FBXL20: variants seen among roughly 807,000 people sequenced by gnomAD.
FBXL20 encodes F-box/LRR-repeat protein 20.
Under a neutral mutation model 64.0 loss-of-function variants are expected in FBXL20, and 11 were observed. That is an observed-to-expected ratio of 0.17 (90% CI 0.11 to 0.28). FBXL20 has a LOEUF of 0.28. Among genes scored for constraint, FBXL20 ranks in the 10% least tolerant of loss-of-function variants. The probability of loss-of-function intolerance (pLI) is 1.00; values close to 1 mark genes in which losing one functional copy is unlikely to be tolerated. For synonymous variants in FBXL20, 184 were observed against 189.0 expected (o/e 0.97, Z 0.22); for missense variants, 303 against 526.2 (o/e 0.58, Z 4.15).
intron 2 of FBXL20, among the ~76,000 whole-genome samples, chr17:39,305,723 C>A (rs901129250): frequency 6.6e-6 from 1 of 151,952 alleles, no homozygotes. Flanking sequence ...CAGTGGCTCA[C>A]GACTGTAATC....
In FBXL20 at chr17:39,283,237, T is replaced by C. The variant is rs183791095; in HGVS notation, c.495-382A>G. On this transcript the variant is annotated intron_variant, in intron 7 of 14. Transcript: ENST00000264658. Reference sequence around the variant, plus strand: ...AACGAGATTCTCCATCGAGCAATGCTATTACTGGTTGAGTATCCCTTATCT... The same window carrying C: ...AACGAGATTCTCCATCGAGCAATGCCATTACTGGTTGAGTATCCCTTATCT... Among the ~76,000 whole-genome samples the C allele has an allele frequency of 9.8e-5, 15 of 152,310 alleles. No homozygotes were observed. In the East Asian group the frequency reaches 2.9e-3, roughly 29 times the overall value.
intron 9 of FBXL20, among the ~76,000 whole-genome samples, chr17:39,280,713 C>T (rs634365): frequency 0.62 from 94,092 of 152,020 alleles, 32,285 homozygotes; most frequent in South Asian, 0.89. Context: ...CAAGACAAAA[C>T]GCTAAATATA....
At chr17:39,315,351 AC>A (rs2047275706) in intron 2 of FBXL20, among the ~76,000 whole-genome samples, 1 of 150,120 alleles carries the variant, frequency 6.7e-6, no homozygotes, top group Non-Finnish European at 1.5e-5. Flanking sequence ...TTCACAAACT[AC>A]CTCAGGAGGG....
At chr17:39,338,282 G>A (rs2047548496) in intron 2 of FBXL20, among the ~76,000 whole-genome samples, 1 of 152,202 alleles carries the variant, frequency 6.6e-6, no homozygotes, top group South Asian at 2.1e-4. Context: ...TCCACTCAGG[G>A]TTAAATGGAT....
intron 2 of FBXL20, among the ~76,000 whole-genome samples, chr17:39,316,945 C>A (rs867299943): frequency 6.6e-6 from 1 of 152,182 alleles, no homozygotes; most frequent in South Asian, 2.1e-4. Context: ...GCGGAGATTG[C>A]GCCACTGTGC....
At position 39,281,468 on chromosome 17, in the gene FBXL20, A is replaced by G. The variant is rs766372294; in HGVS notation, c.622-5T>C. On this transcript the variant is annotated splice_polypyrimidine_tract_variant and splice_region_variant and intron_variant, in intron 8 of 14. Coordinates refer to ENST00000264658, the MANE Select transcript of FBXL20 (RefSeq NM_032875.3). Reference sequence around the variant, plus strand: ...CTTGAGAGCTTCATCTTCTAGCTAGAAAGATTAAAAAGTAAGAAAAAAATG... The same window carrying G: ...CTTGAGAGCTTCATCTTCTAGCTAGGAAGATTAAAAAGTAAGAAAAAAATG... 19 of 1,609,440 alleles carry G rather than the reference A, an allele frequency of 1.2e-5. No homozygotes were observed. Among genetic ancestry groups the G allele is most frequent in the South Asian group, 2.2e-5 (2 of 90,430 alleles).
At chr17:39,292,322 T>C (rs961770456) in intron 6 of FBXL20, among the ~76,000 whole-genome samples, 3 of 150,358 alleles carry the variant, frequency 2.0e-5, no homozygotes, top group African/African-American at 7.5e-5. Flanking sequence ...CCCATTCTTT[T>C]AGTTTCATTT....
intron 1 of FBXL20, among the ~76,000 whole-genome samples, chr17:39,358,202 C>T (rs546855833): frequency 6.6e-6 from 1 of 152,268 alleles, no homozygotes; most frequent in South Asian, 2.1e-4. Context: ...AGTATTCTCC[C>T]TTCCTCCACC....
intron 1 of FBXL20, among the ~76,000 whole-genome samples, chr17:39,372,709 A>G (rs2047930483): frequency 6.8e-6 from 1 of 146,762 alleles, no homozygotes; most frequent in South Asian, 2.2e-4. Context: ...TCCACCTCCC[A>G]GGTTTGAGCA....
At chr17:39,286,162 A>G (rs1375554427) in intron 6 of FBXL20, among the ~76,000 whole-genome samples, 2 of 152,228 alleles carry the variant, frequency 1.3e-5, no homozygotes, top group African/African-American at 4.8e-5. Flanking sequence ...AATATAAACA[A>G]GAGTAAATAA....
chr17:39,346,327 T>A (rs902023782), intron 1 of FBXL20, among the ~76,000 whole-genome samples: 17 of 151,206 alleles, frequency 1.1e-4, no homozygotes, highest in Admixed American at 3.3e-4. Context: ...GGCGACAGAG[T>A]GAGATCCTGT....
intron 1 of FBXL20, among the ~76,000 whole-genome samples, chr17:39,361,888 C>T (rs11869259): frequency 4.0e-5 from 6 of 151,360 alleles, no homozygotes; most frequent in East Asian, 2.0e-4. Flanking sequence ...GCCCGAGCCC[C>T]GGAGTTCAAG....
intron 1 of FBXL20, among the ~76,000 whole-genome samples, chr17:39,348,829 G>A (rs181360103): frequency 8.9e-4 from 135 of 152,200 alleles, no homozygotes; most frequent in African/African-American, 3.0e-3. Context: ...TGAGTAGCTA[G>A]GACTACAGAA....
rs1266316778 is a variant in FBXL20 at position 39,258,792 on chromosome 17, A to G, written c.*2668T>C. 6.6e-6 allele frequency: 1 copy of G among 152,212 alleles called. No homozygotes were observed. The highest frequency in any genetic ancestry group is 1.5e-5 in the Non-Finnish European group (1 of 68,038). 9.4% of individuals were successfully genotyped at this position (152,212 alleles called of 1,614,324 possible). A position where few individuals can be genotyped will look rare whatever the true frequency, so the allele number is the denominator to read the frequency against. On this transcript the variant is annotated 3_prime_UTR_variant, in exon 15 of 15. Transcript: ENST00000264658. ...AAACTTTAAAGCAGATGGCCCCTAA[A>G]TAGTTCTCTCCTTTAGTTTTGTTTG...
intron 1 of FBXL20, among the ~76,000 whole-genome samples, chr17:39,362,533 G>A (rs1029446978): frequency 5.9e-5 from 9 of 151,646 alleles, no homozygotes; most frequent in African/African-American, 2.2e-4. Flanking sequence ...ATGTTGGTCA[G>A]GCTGGTCTCG....
chr17:39,275,325 G>A lies in FBXL20; in HGVS notation c.697-225C>T, dbSNP rs571740226. On this transcript the variant is annotated intron_variant, in intron 9 of 14. Coordinates refer to ENST00000264658, the MANE Select transcript of FBXL20 (RefSeq NM_032875.3). ...AGGGAAGAAGCTATAATAGAATCCT[G>A]TTGAAAGCTACAATGGAATTCTAAT... Among the ~76,000 whole-genome samples, 9 of 152,220 alleles carry A rather than the reference G, an allele frequency of 5.9e-5. No individual in the cohort carries two copies. The East Asian group carries it at 1.4e-3, about 23-fold the overall frequency.
At chr17:39,299,797 A>G (rs2047118751) in intron 4 of FBXL20, among the ~76,000 whole-genome samples, 2 of 147,012 alleles carry the variant, frequency 1.4e-5, no homozygotes, top group Admixed American at 1.4e-4. Flanking sequence ...CAACAACAAC[A>G]ACAACAAAAA....
chr17:39,288,778 G>A (rs1374901444), intron 6 of FBXL20, among the ~76,000 whole-genome samples: 7 of 151,250 alleles, frequency 4.6e-5, no homozygotes, highest in East Asian at 3.9e-4. Flanking sequence ...GCGCGATCTC[G>A]GATCACTGCA....
intron 6 of FBXL20, among the ~76,000 whole-genome samples, chr17:39,289,838 T>C (rs1047720138): frequency 2.6e-5 from 4 of 151,362 alleles, no homozygotes; most frequent in African/African-American, 9.7e-5. Context: ...CTACTAAAAA[T>C]ACAAACAAAA....
Sources: gnomAD v4.1 joint callset for allele counts (sites outside exome capture counted in the v4.1 genomes callset) on GRCh38, gnomAD v4.1.1 for gene constraint, MANE v1.5 for transcripts, NCBI Gene and HGNC (gene_info 2026-07-23, HGNC 2026-07-21) for gene names.